EPHA6: variants seen among roughly 807,000 people sequenced by gnomAD.
EPHA6 encodes the protein EPH receptor A6, also known as ephrin type-A receptor 6.
Under a neutral mutation model 112.0 loss-of-function variants are expected in EPHA6, and 50 were observed. That is an observed-to-expected ratio of 0.45 (90% CI 0.36 to 0.56). EPHA6 has a LOEUF of 0.56. Ranked by LOEUF, EPHA6 falls within the 20% of genes least tolerant of loss-of-function variation. The pLI is 0.00. For missense variants in EPHA6, 1,280 were observed against 1,417.4 expected, an observed-to-expected ratio of 0.90 and a Z score of 1.56; for synonymous variants, 529 against 490.7, an observed-to-expected ratio of 1.08 and a Z score of -1.03.
intron 8 of EPHA6, among the ~76,000 whole-genome samples, chr3:97,479,003 T>G (rs913171212): frequency 6.6e-6 from 1 of 152,156 alleles, no homozygotes; most frequent in Non-Finnish European, 1.5e-5. Flanking sequence ...TTAATTTTCT[T>G]TTTACCAACT....
chr3:97,109,663 G>A (rs551465245), intron 3 of EPHA6, among the ~76,000 whole-genome samples: 2 of 152,244 alleles, frequency 1.3e-5, no homozygotes, highest in African/African-American at 2.4e-5. Flanking sequence ...ACAAAACTCC[G>A]AGATGGAGAT....
intron 3 of EPHA6, among the ~76,000 whole-genome samples, chr3:97,141,527 G>T (rs769045634): frequency 6.6e-6 from 1 of 151,920 alleles, no homozygotes; most frequent in Non-Finnish European, 1.5e-5. Context: ...GTCAGTGCAC[G>T]AGGAGAACAC....
At chr3:97,582,866 A>G (rs534156520) in intron 11 of EPHA6, among the ~76,000 whole-genome samples, 65 of 152,188 alleles carry the variant, frequency 4.3e-4, no homozygotes, top group African/African-American at 1.5e-3. Context: ...AGTGCTGCCA[A>G]GGATGTTATT....
intron 14 of EPHA6, among the ~76,000 whole-genome samples, chr3:97,653,285 ATATG>A (rs1323740413): frequency 2.0e-5 from 3 of 151,998 alleles, no homozygotes; most frequent in African/African-American, 7.2e-5. Flanking sequence ...AATATGCAAA[ATATG>A]TAAGGAACTC....
chr3:97,463,122 T>C (rs778009132), intron 7 of EPHA6, among the ~76,000 whole-genome samples: 4 of 152,146 alleles, frequency 2.6e-5, no homozygotes, highest in Non-Finnish European at 5.9e-5. Flanking sequence ...TTATTATACT[T>C]TAAGTTCTAG....
rs59969058 is a variant in EPHA6, at chr3:97,424,439, G to A, written c.1731+19165G>A. On this transcript the variant is annotated intron_variant, in intron 6 of 17. Coordinates refer to ENST00000389672, the MANE Select transcript of EPHA6 (RefSeq NM_001080448.3). ...AACTCATTTTAGCATTAACTCAAAC[G>A]ATAATGATCATAGTCCAAAGTCTTA... Among the ~76,000 whole-genome samples the A allele has an allele frequency of 4.9e-4, 75 of 152,084 alleles. 1 individual carries two copies. The highest frequency in any genetic ancestry group is 1.6e-3 in the African/African-American group (67 of 41,480).
intron 2 of EPHA6, among the ~76,000 whole-genome samples, chr3:96,903,702 T>A (rs1473580072): frequency 1.3e-5 from 2 of 152,148 alleles, no homozygotes; most frequent in Non-Finnish European, 2.9e-5. Context: ...TTTTGCAACC[T>A]ACTCATCTGA....
intron 5 of EPHA6, among the ~76,000 whole-genome samples, chr3:97,402,269 C>T (rs989162960): frequency 6.6e-6 from 1 of 151,970 alleles, no homozygotes; most frequent in Non-Finnish European, 1.5e-5. Context: ...TCCCCAACTG[C>T]TGTTGTATTG....
chr3:97,258,658 C>T (rs2079396193), intron 5 of EPHA6, among the ~76,000 whole-genome samples: 1 of 152,074 alleles, frequency 6.6e-6, no homozygotes, highest in Non-Finnish European at 1.5e-5. Flanking sequence ...CCAGTAGTTT[C>T]ATCATGTATA....
At chr3:96,866,758 A>T in intron 1 of EPHA6, 67 bp from the exon 2 acceptor site, 1 of 826,774 alleles carries the variant, frequency 1.2e-6, no homozygotes, top group Non-Finnish European at 1.8e-6. Context: ...TTATAACTTT[A>T]ATAATTTAAT....
chr3:97,641,432 G>T (rs1430579106), intron 14 of EPHA6, among the ~76,000 whole-genome samples: 1 of 152,296 alleles, frequency 6.6e-6, no homozygotes, highest in East Asian at 1.9e-4. Flanking sequence ...AAGGGTGGGG[G>T]AGGAGCCAAG....
intron 5 of EPHA6, among the ~76,000 whole-genome samples, chr3:97,385,102 A>T (rs1268185582): frequency 1.3e-5 from 2 of 152,226 alleles, no homozygotes; most frequent in East Asian, 3.8e-4. Flanking sequence ...TGAGAACTAG[A>T]TCCAGCTCAT....
chr3:97,675,589 G>A (rs755627880), intron 14 of EPHA6, among the ~76,000 whole-genome samples: 3 of 152,012 alleles, frequency 2.0e-5, no homozygotes, highest in Non-Finnish European at 2.9e-5. Flanking sequence ...AACTTCATCA[G>A]CCTAACTTTA....
intron 5 of EPHA6, among the ~76,000 whole-genome samples, chr3:97,334,260 A>C (rs986592997): frequency 1.3e-5 from 2 of 151,828 alleles, no homozygotes; most frequent in African/African-American, 4.8e-5. Flanking sequence ...TTTTTTAACT[A>C]TATTTTTCTA....
At chr3:96,885,608 TTCTC>T (rs2107524073) in intron 2 of EPHA6, among the ~76,000 whole-genome samples, 1 of 152,306 alleles carries the variant, frequency 6.6e-6, no homozygotes, top group Admixed American at 6.5e-5. Context: ...TATTTGGATT[TTCTC>T]TCTTCTTTTC....
intron 11 of EPHA6, among the ~76,000 whole-genome samples, chr3:97,586,093 A>C (rs879927809): frequency 4.6e-5 from 7 of 152,204 alleles, no homozygotes; most frequent in Non-Finnish European, 7.3e-5. Context: ...ATATTTGCTT[A>C]AGTAATTTGT....
At chr3:97,592,548 G>A (rs2093554603) in intron 11 of EPHA6, 64 bp from the exon 12 acceptor site, 2 of 1,582,960 alleles carry the variant, frequency 1.3e-6, no homozygotes, top group Non-Finnish European at 1.7e-6. Flanking sequence ...TTTATTCCAT[G>A]TAAATGATCA....
At position 97,749,836 on chromosome 3, in the gene EPHA6, T is replaced by C. The variant is rs1415797179; in HGVS notation, c.*1135T>C. On this transcript the variant is annotated 3_prime_UTR_variant, in exon 18 of 18. Coordinates refer to ENST00000389672, the MANE Select transcript of EPHA6 (RefSeq NM_001080448.3). The stretch of plus-strand genomic sequence containing the variant: ...TGTTTTCTTTGCAAAAATAGTTACA[T>C]GAACATGCTGAGCTCTTTTCGAAAC... Among the ~76,000 whole-genome samples, 1 of 152,154 alleles carries C rather than the reference T, an allele frequency of 6.6e-6. No individual in the cohort carries two copies. The highest frequency in any genetic ancestry group is 6.5e-5 in the Admixed American group (1 of 15,270).
At chr3:97,508,560 G>A (rs2092301493) in intron 10 of EPHA6, among the ~76,000 whole-genome samples, 1 of 152,112 alleles carries the variant, frequency 6.6e-6, no homozygotes, top group African/African-American at 2.4e-5. Context: ...ATTTGCTGAG[G>A]AGTGTTTTAC....
Sources: allele counts gnomAD v4.1 joint callset (sites outside exome capture counted in the v4.1 genomes callset), GRCh38; gene constraint gnomAD v4.1.1; transcripts MANE v1.5; gene names NCBI Gene and HGNC (gene_info 2026-07-23, HGNC 2026-07-21).